NLGN4X: variants seen among roughly 807,000 people sequenced by gnomAD.
NLGN4X encodes the protein neuroligin-4, X-linked.
A neutral mutation model predicts 40.3 loss-of-function variants in NLGN4X; 3 were observed. The ratio of observed to expected loss-of-function variants is 0.07; its 90% CI spans 0.03 to 0.19. The LOEUF is 0.19. NLGN4X is among the 10% of genes least tolerant of loss of function. The probability of loss-of-function intolerance (pLI) is 1.00; values close to 1 mark genes in which losing one functional copy is unlikely to be tolerated. For synonymous variants in NLGN4X, 270 were observed against 306.8 expected (o/e 0.88, Z 1.25); for missense variants, 382 against 708.3 (o/e 0.54, Z 5.23).
intron 1 of NLGN4X, among the ~76,000 whole-genome samples, chrX:6,169,738 G>A (rs896240897): frequency 6.2e-5 from 7 of 112,186 alleles, no homozygotes; most frequent in South Asian, 7.5e-4. Flanking sequence ...CCAGCATGGC[G>A]CCATGAGCCA....
intron 2 of NLGN4X, among the ~76,000 whole-genome samples, chrX:6,148,806 G>A (rs1357055701): frequency 8.9e-6 from 1 of 111,775 alleles, no homozygotes; most frequent in East Asian, 2.8e-4. Context: ...GAGCCACCGC[G>A]CCTGGCCTGC....
At chrX:6,014,189 A>G (rs961098091) in intron 3 of NLGN4X, among the ~76,000 whole-genome samples, 8 of 102,815 alleles carry the variant, frequency 7.8e-5, no homozygotes, top group Non-Finnish European at 1.4e-4. Flanking sequence ...TCAGAGAGAG[A>G]AAAAAAAAAA....
At chrX:6,105,656 A>T (rs890990912) in intron 2 of NLGN4X, among the ~76,000 whole-genome samples, 2 of 111,648 alleles carry the variant, frequency 1.8e-5, no homozygotes, top group Non-Finnish European at 3.8e-5. Context: ...CCAATCATTA[A>T]GCCAGGAGTT....
chrX:6,196,331 C>T (rs1923049439), intron 1 of NLGN4X, among the ~76,000 whole-genome samples: 1 of 110,566 alleles, frequency 9.0e-6, no homozygotes, highest in Non-Finnish European at 1.9e-5. Flanking sequence ...GTGGGCGGAT[C>T]ACGAGGTCAG....
chrX:6,200,687 C>CTTTTTTTTTTTTTTTT (rs767226691), intron 1 of NLGN4X, among the ~76,000 whole-genome samples: 4 of 55,575 alleles, frequency 7.2e-5, no homozygotes, highest in Non-Finnish European at 9.2e-5. Context: ...CTTTCCTTTT[C>CTTTTTTTTTTTTTTTT]TTTTTTTTTT....
intron 1 of NLGN4X, among the ~76,000 whole-genome samples, chrX:6,220,441 T>C (rs995038135): frequency 9.5e-6 from 1 of 105,427 alleles, no homozygotes; most frequent in Non-Finnish European, 1.9e-5. Flanking sequence ...AGTTTGATCT[T>C]TGTAAAAGTT....
chrX:6,078,242 A>G (rs116246940), intron 2 of NLGN4X, among the ~76,000 whole-genome samples: 3,947 of 112,042 alleles, frequency 0.035, 150 homozygotes, highest in African/African-American at 0.11. Flanking sequence ...TTCTGTCCCC[A>G]TAACTAAAGT....
In NLGN4X at chrX:6,156,051, T is replaced by C. The variant is rs184440402; in HGVS notation, c.-305-4280A>G. Among the ~76,000 whole-genome samples the C allele has an allele frequency of 2.7e-5, 3 of 112,263 alleles. No homozygotes were observed. In the East Asian group the frequency reaches 8.4e-4, roughly 31 times the overall value. On this transcript the variant is annotated intron_variant, in intron 1 of 5. Coordinates refer to ENST00000381095, the MANE Select transcript of NLGN4X (RefSeq NM_181332.3). ...CCTAGCAATCACATTACTGGGTATA[T>C]ATACAAAGGAAAATAAATTGTTCTA... is the stretch of plus-strand genomic sequence containing the variant.
chrX:6,057,217 T>C (rs2037654482), intron 2 of NLGN4X, among the ~76,000 whole-genome samples: 1 of 111,899 alleles, frequency 8.9e-6, no homozygotes, highest in Admixed American at 9.5e-5. Flanking sequence ...TTTGTAGTTG[T>C]TGATTTGCAT....
At chrX:6,034,644 C>T (rs1005027951) in intron 2 of NLGN4X, among the ~76,000 whole-genome samples, 2 of 111,353 alleles carry the variant, frequency 1.8e-5, no homozygotes, top group Admixed American at 1.9e-4. Flanking sequence ...TAATACCTAG[C>T]CAACACTTGC....
chrX:6,080,096 T>C (rs1379521767), intron 2 of NLGN4X, among the ~76,000 whole-genome samples: 3 of 106,016 alleles, frequency 2.8e-5, no homozygotes, highest in African/African-American at 7.0e-5. Context: ...CATGAATGCT[T>C]ATGGTCTAGA....
At chrX:6,062,462 T>C (rs897856902) in intron 2 of NLGN4X, among the ~76,000 whole-genome samples, 2 of 111,492 alleles carry the variant, frequency 1.8e-5, no homozygotes, top group Non-Finnish European at 3.8e-5. Context: ...AATCCTTCCA[T>C]TTGTTCTCCC....
intron 1 of NLGN4X, among the ~76,000 whole-genome samples, chrX:6,194,097 C>G (rs981036944): frequency 2.2e-4 from 24 of 111,248 alleles, no homozygotes; most frequent in Non-Finnish European, 2.8e-4. Context: ...GTGGGAGGAT[C>G]ACTTGAGCCT....
chrX:5,941,175 TA>T (rs1432949783), intron 3 of NLGN4X, among the ~76,000 whole-genome samples: 1 of 38,875 alleles, frequency 2.6e-5, no homozygotes, highest in East Asian at 7.5e-4. Flanking sequence ...GATCGTATGC[TA>T]GGGGGTGTGT....
chrX:6,049,687 G>A (rs2037427524), intron 2 of NLGN4X, among the ~76,000 whole-genome samples: 1 of 92,438 alleles, frequency 1.1e-5, no homozygotes, highest in Non-Finnish European at 2.1e-5. Context: ...TCTTAAGAGG[G>A]TGAAAGTAAA....
At chrX:5,950,297 T>C (rs1370357329) in intron 3 of NLGN4X, among the ~76,000 whole-genome samples, 4 of 112,384 alleles carry the variant, frequency 3.6e-5, no homozygotes, top group Non-Finnish European at 7.5e-5. Context: ...ATATCAAATA[T>C]GTAGTAAAAA....
chrX:5,947,074 C>T (rs759233049), intron 3 of NLGN4X, among the ~76,000 whole-genome samples: 29 of 112,051 alleles, frequency 2.6e-4, no homozygotes, highest in Admixed American at 4.8e-4. Flanking sequence ...TTTATCCAGT[C>T]TACCACTGAG....
intron 2 of NLGN4X, among the ~76,000 whole-genome samples, chrX:6,082,681 T>C (rs923837156): frequency 5.4e-5 from 6 of 110,922 alleles, no homozygotes; most frequent in African/African-American, 1.6e-4. Context: ...AACAAATGAA[T>C]GACTGGGATC....
chrX:6,198,495 A>C (rs1923324853), intron 1 of NLGN4X, among the ~76,000 whole-genome samples: 1 of 112,099 alleles, frequency 8.9e-6, no homozygotes, highest in Admixed American at 9.5e-5. Flanking sequence ...AACGTGGACC[A>C]TGAATGTGCT....
Sources: gnomAD v4.1 joint callset for allele counts (sites outside exome capture counted in the v4.1 genomes callset) on GRCh38, gnomAD v4.1.1 for gene constraint, MANE v1.5 for transcripts, NCBI Gene and HGNC (gene_info 2026-07-23, HGNC 2026-07-21) for gene names.